The following CCSER1 variants were observed in gnomAD, a reference collection of about 807,000 sequenced individuals.
The protein encoded by CCSER1 is serine-rich coiled-coil domain-containing protein 1.
CCSER1 carries 41 observed loss-of-function variants against 82.0 expected under a neutral mutation model. The ratio of observed to expected loss-of-function variants is 0.50; its 90% CI spans 0.39 to 0.65. The LOEUF is 0.65. Ranked by LOEUF, CCSER1 falls within the 30% of genes least tolerant of loss-of-function variation. The probability of loss-of-function intolerance (pLI) is 0.00; values close to 1 mark genes in which losing one functional copy is unlikely to be tolerated. For synonymous variants in CCSER1, 414 were observed against 383.9 expected (o/e 1.08, Z -0.92); for missense variants, 1,119 against 1,064.2 (o/e 1.05, Z -0.72).
At chr4:91,522,525 T>G (rs1389120596) in intron 10 of CCSER1, among the ~76,000 whole-genome samples, 1 of 152,220 alleles carries the variant, frequency 6.6e-6, no homozygotes, top group Non-Finnish European at 1.5e-5. Context: ...TTCTTCCATT[T>G]GTTTGTGTCC....
intron 4 of CCSER1, among the ~76,000 whole-genome samples, chr4:90,448,329 A>G (rs1299480760): frequency 1.3e-5 from 2 of 151,242 alleles, no homozygotes; most frequent in African/African-American, 4.8e-5. Flanking sequence ...TGTACTTGCT[A>G]TAGCAAAACT....
intron 1 of CCSER1, among the ~76,000 whole-genome samples, chr4:90,240,090 G>C (rs1431023): frequency 0.041 from 6,213 of 152,258 alleles, 345 homozygotes; most frequent in African/African-American, 0.12. Flanking sequence ...TCTCACTGGA[G>C]AGCAGAGAAG....
intron 9 of CCSER1, among the ~76,000 whole-genome samples, chr4:90,976,829 G>A (rs1735654544): frequency 6.6e-6 from 1 of 151,392 alleles, no homozygotes; most frequent in Non-Finnish European, 1.5e-5. Flanking sequence ...AAGTTTTCCA[G>A]TTTTCCATGA....
At chr4:91,255,813 C>T (rs974347443) in intron 10 of CCSER1, among the ~76,000 whole-genome samples, 3 of 152,162 alleles carry the variant, frequency 2.0e-5, no homozygotes, top group Non-Finnish European at 4.4e-5. Context: ...CCTGTCTTTA[C>T]TTTAATCTCT....
intron 10 of CCSER1, among the ~76,000 whole-genome samples, chr4:91,594,356 CACATATATAT>C (rs1220389473): frequency 2.8e-5 from 4 of 144,972 alleles, no homozygotes; most frequent in African/African-American, 7.7e-5. Flanking sequence ...CATATATATA[CACATATATAT>C]ACACATATAT....
chr4:90,164,648 A>G (rs1352646116), intron 1 of CCSER1, among the ~76,000 whole-genome samples: 2 of 152,142 alleles, frequency 1.3e-5, no homozygotes, highest in East Asian at 3.9e-4. Flanking sequence ...CGAAGAGGAA[A>G]ATTAGAGTTG....
intron 5 of CCSER1, among the ~76,000 whole-genome samples, chr4:90,494,610 A>T (rs1331426656): frequency 6.6e-6 from 1 of 152,148 alleles, no homozygotes; most frequent in South Asian, 2.1e-4. Context: ...TCAGGGATTT[A>T]TCCTTTTGGA....
intron 9 of CCSER1, among the ~76,000 whole-genome samples, chr4:90,980,251 G>C (rs953661736): frequency 6.6e-6 from 1 of 151,852 alleles, no homozygotes; most frequent in South Asian, 2.1e-4. Context: ...CCAGTTAGGA[G>C]CTCCAGCAAA....
rs1480008000 is a variant in CCSER1 at position 91,491,954 on chromosome 4, T to TTG, written c.2218-106617_2218-106616insGT. Among the ~76,000 whole-genome samples the TTG allele has an allele frequency of 8.6e-5, 13 of 151,518 alleles. No homozygotes were observed. The East Asian group carries it at 2.5e-3, about 29-fold the overall frequency. On this transcript the variant is annotated intron_variant, in intron 10 of 10. Transcript: ENST00000509176. Reference sequence around the variant, plus strand: ...GAATAAGTCATTGCTAATAGTTTTTTTTTTTTTTTTTTGCAATGCGGCAAT... The same window carrying TTG: ...GAATAAGTCATTGCTAATAGTTTTTTTGTTTTTTTTTTTTGCAATGCGGCAAT...
chr4:90,644,371 T>G (rs1249035471), intron 6 of CCSER1, among the ~76,000 whole-genome samples: 3 of 152,192 alleles, frequency 2.0e-5, no homozygotes, highest in African/African-American at 7.2e-5. Flanking sequence ...GTGGAATTTT[T>G]CACTTGTGGC....
chr4:91,261,816 T>A lies in CCSER1; in HGVS notation c.2217+175822T>A, dbSNP rs1175492693. On this transcript the variant is annotated intron_variant, in intron 10 of 10. Transcript: ENST00000509176. The stretch of plus-strand genomic sequence containing the variant: ...TTCACTATGTTGATTTTTAAAATTA[T>A]TAAGCAGCAAATATACTATTTTTGA... 2.0e-5 allele frequency among the ~76,000 whole-genome samples: 3 copies of A among 152,216 alleles called. No individual in the cohort carries two copies. In the East Asian group the frequency reaches 5.8e-4, roughly 29 times the overall value.
intron 9 of CCSER1, among the ~76,000 whole-genome samples, chr4:91,085,251 A>G (rs1471165579): frequency 1.3e-5 from 2 of 152,204 alleles, no homozygotes; most frequent in African/African-American, 2.4e-5. Context: ...ATTCTTAATG[A>G]TAGTGTGAAC....
At chr4:90,189,022 C>T (rs1010581252) in intron 1 of CCSER1, among the ~76,000 whole-genome samples, 6 of 151,854 alleles carry the variant, frequency 4.0e-5, no homozygotes, top group Non-Finnish European at 8.8e-5. Context: ...TTGCCTAGGG[C>T]TAGCCCAGGG....
In CCSER1 at chr4:90,704,767, C is replaced by T. The variant is rs567763874; in HGVS notation, c.1933-19147C>T. On this transcript the variant is annotated intron_variant, in intron 6 of 10. Transcript: ENST00000509176. ...ACCATTTCTTCCAGTTGATTGAATT[C>T]GCTACTGAAGCTTGTGCATTTGTCA... Among the ~76,000 whole-genome samples the T allele has an allele frequency of 5.3e-5, 8 of 152,242 alleles. No homozygotes were observed. In the South Asian group the frequency reaches 1.0e-3, roughly 20 times the overall value.
chr4:90,764,363 C>A (rs1440158810), intron 7 of CCSER1, among the ~76,000 whole-genome samples: 1 of 152,170 alleles, frequency 6.6e-6, no homozygotes, highest in East Asian at 1.9e-4. Flanking sequence ...TGAAGCCATT[C>A]ATCTGCTATA....
At chr4:90,762,659 GC>G (rs1484798810) in intron 7 of CCSER1, among the ~76,000 whole-genome samples, 3 of 152,046 alleles carry the variant, frequency 2.0e-5, no homozygotes, top group Admixed American at 1.3e-4. Flanking sequence ...TTAGATAAAA[GC>G]CCCAAATCCT....
intron 5 of CCSER1, among the ~76,000 whole-genome samples, chr4:90,485,702 C>G (rs1237019299): frequency 6.6e-6 from 1 of 152,046 alleles, no homozygotes; most frequent in Non-Finnish European, 1.5e-5. Flanking sequence ...TTCTTCCACC[C>G]TCCAGTCTCT....
intron 10 of CCSER1, among the ~76,000 whole-genome samples, chr4:91,382,069 T>C (rs1286154467): frequency 2.0e-5 from 3 of 152,082 alleles, no homozygotes; most frequent in Admixed American, 6.5e-5. Flanking sequence ...TGCCGAACAG[T>C]GGATATTGCT....
At chr4:91,094,409 A>G (rs1052528291) in intron 10 of CCSER1, among the ~76,000 whole-genome samples, 12 of 152,192 alleles carry the variant, frequency 7.9e-5, no homozygotes, top group Non-Finnish European at 8.8e-5. Flanking sequence ...CTCAGCTGGC[A>G]GCAATCCTAA....
Sources: allele counts gnomAD v4.1 joint callset (sites outside exome capture counted in the v4.1 genomes callset), GRCh38; gene constraint gnomAD v4.1.1; transcripts MANE v1.5; gene names NCBI Gene and HGNC (gene_info 2026-07-23, HGNC 2026-07-21).